Variants in KAZN observed in about 807,000 individuals in gnomAD.
KAZN encodes kazrin.
In KAZN, 40 loss-of-function variants were observed where a neutral mutation model predicts 87.4. The observed-to-expected ratio is 0.46, with a 90% CI of 0.36 to 0.60. The LOEUF (loss-of-function observed/expected upper bound fraction) is 0.60. KAZN is among the 20% of genes least tolerant of loss of function. KAZN has a pLI of 0.00. For missense variants in KAZN, 898 were observed against 1,073.9 expected, an observed-to-expected ratio of 0.84 and a Z score of 2.29; for synonymous variants, 466 against 458.3, an observed-to-expected ratio of 1.02 and a Z score of -0.22.
At chr1:13,944,419 G>T (rs938037096) in intron 1 of KAZN, among the ~76,000 whole-genome samples, 8 of 152,166 alleles carry the variant, frequency 5.3e-5, no homozygotes, top group African/African-American at 1.9e-4. Context: ...TTATCGGGGG[G>T]TAAATTGCTA....
At chr1:14,894,660 T>C (rs150894888) in intron 1 of KAZN, among the ~76,000 whole-genome samples, 124 of 152,344 alleles carry the variant, frequency 8.1e-4, no homozygotes, top group African/African-American at 2.8e-3. Context: ...GACTCTAAGC[T>C]TCTTGAACCC....
rs907509804 is a variant in KAZN at position 15,096,944 on chromosome 1, A to T, written c.1547+2011A>T. Among the ~76,000 whole-genome samples, 1 of 152,232 alleles carries T rather than the reference A, an allele frequency of 6.6e-6. No homozygotes were observed. The highest frequency in any genetic ancestry group is 2.4e-5 in the African/African-American group (1 of 41,462). On this transcript the variant is annotated intron_variant, in intron 10 of 14. Transcript: ENST00000376030. This position sits in a 1 kb window ranked among gnomAD's most constrained non-coding sequence, Gnocchi z 4.5. The stretch of plus-strand genomic sequence containing the variant: ...TAACAGTGGCACCACGTTAACCTCC[A>T]GGAACCAGGAGTCTGTGGTCCCAGG...
chr1:14,692,162 T>G, intron 1 of KAZN: 1 of 372,514 alleles, frequency 2.7e-6, no homozygotes, highest in Non-Finnish European at 5.0e-6. Flanking sequence ...GTACTAAATG[T>G]GCTTCTTTAT....
chr1:14,045,335 C>T (rs10733142), intron 1 of KAZN, among the ~76,000 whole-genome samples: 1 of 151,982 alleles, frequency 6.6e-6, no homozygotes, highest in African/African-American at 2.4e-5. Flanking sequence ...GGCAACTCAC[C>T]AGCATCATCC....
At chr1:14,857,482 G>A (rs772919022) in intron 1 of KAZN, among the ~76,000 whole-genome samples, 16 of 152,060 alleles carry the variant, frequency 1.1e-4, no homozygotes, top group East Asian at 5.8e-4. Flanking sequence ...GCAGTGAGCC[G>A]AGATCGCGCC....
intron 2 of KAZN, among the ~76,000 whole-genome samples, chr1:15,000,244 G>A (rs796763955): frequency 6.6e-6 from 1 of 151,854 alleles, no homozygotes; most frequent in Admixed American, 6.6e-5. Context: ...GATGCAGGCG[G>A]CCTCTAAAGG....
At chr1:13,970,953 G>C (rs1360716651) in intron 1 of KAZN, among the ~76,000 whole-genome samples, 2 of 152,204 alleles carry the variant, frequency 1.3e-5, no homozygotes, top group African/African-American at 4.8e-5. Flanking sequence ...CTGAAAATGA[G>C]AGTGACATAT....
chr1:14,012,736 C>T lies in KAZN; in HGVS notation c.91+118980C>T, dbSNP rs140488528. ...ACGAGAATCACTTGAATCCAGGAGG[C>T]GGAGGTTGCAGTGAGCAACCACTCC... On this transcript the variant is annotated intron_variant, in intron 1 of 16. Coordinates refer to the KAZN transcript ENST00000636203. Among the ~76,000 whole-genome samples, 295 of 152,224 alleles carry T rather than the reference C, an allele frequency of 1.9e-3. 2 individuals are homozygous for T. Among genetic ancestry groups the T allele is most frequent in the African/African-American group, 6.9e-3 (287 of 41,534 alleles).
intron 1 of KAZN, among the ~76,000 whole-genome samples, chr1:14,921,972 A>G (rs1658577444): frequency 6.6e-6 from 1 of 152,166 alleles, no homozygotes; most frequent in African/African-American, 2.4e-5. Context: ...TCGGCCTCCC[A>G]AAGTGCTGGG....
intron 2 of KAZN, among the ~76,000 whole-genome samples, chr1:14,328,750 A>G (rs1164879583): frequency 1.3e-3 from 5 of 3,980 alleles, no homozygotes; most frequent in East Asian, 0.011. Flanking sequence ...CCCTAACTGA[A>G]AAAAAAAAAA....
At chr1:14,419,494 CAG>C (rs1318423858) in intron 2 of KAZN, among the ~76,000 whole-genome samples, 5 of 152,210 alleles carry the variant, frequency 3.3e-5, no homozygotes, top group East Asian at 1.9e-4. Context: ...CTGGACTTAC[CAG>C]AGTGTTAGGC....
In KAZN at chr1:14,307,329, A is replaced by C. The variant is rs149199922; in HGVS notation, c.249+126737A>C. 4.2e-3 allele frequency among the ~76,000 whole-genome samples: 644 copies of C among 152,294 alleles called. 2 individuals carry two copies. The highest frequency in any genetic ancestry group is 0.014 in the African/African-American group (592 of 41,558). On this transcript the variant is annotated intron_variant, in intron 2 of 16. Coordinates refer to the KAZN transcript ENST00000636203. ...GCATCCTAGACACTCAAGAACTGGC[A>C]TGAACTTATTGGCTAATTATAAAGT...
At chr1:14,307,119 C>A (rs369831211) in intron 2 of KAZN, among the ~76,000 whole-genome samples, 2 of 152,074 alleles carry the variant, frequency 1.3e-5, no homozygotes, top group Non-Finnish European at 2.9e-5. Flanking sequence ...GTTGACCCTT[C>A]GTGGTCCCAC....
intron 2 of KAZN, among the ~76,000 whole-genome samples, chr1:14,315,666 G>A (rs1297703026): frequency 1.3e-5 from 2 of 151,956 alleles, no homozygotes; most frequent in Non-Finnish European, 2.9e-5. Flanking sequence ...GTCCTCTTTT[G>A]TGTTTGGAGT....
chr1:14,771,890 A>G (rs761541617), intron 1 of KAZN, among the ~76,000 whole-genome samples: 2 of 152,118 alleles, frequency 1.3e-5, no homozygotes, highest in African/African-American at 4.8e-5. Flanking sequence ...AAACTCCTGT[A>G]AAGAATGTTC....
intron 2 of KAZN, among the ~76,000 whole-genome samples, chr1:15,024,264 G>A (rs879283449): frequency 3.3e-5 from 5 of 152,150 alleles, no homozygotes; most frequent in Non-Finnish European, 5.9e-5. Flanking sequence ...CACCTGCATC[G>A]CCTGCTGGAG....
At chr1:14,477,659 G>A (rs138419453) in intron 2 of KAZN, among the ~76,000 whole-genome samples, 177 of 152,232 alleles carry the variant, frequency 1.2e-3, no homozygotes, top group African/African-American at 3.7e-3. Context: ...TCTGCCTTCC[G>A]TAGCAGACGA....
intron 1 of KAZN, among the ~76,000 whole-genome samples, chr1:14,022,268 A>C (rs1452315535): frequency 6.6e-6 from 1 of 152,050 alleles, no homozygotes; most frequent in African/African-American, 2.4e-5. Context: ...CATGGTGTTT[A>C]TATCTAATCT....
chr1:15,038,334 A>C lies in KAZN; in HGVS notation c.555+3449A>C, dbSNP rs143557735. On this transcript the variant is annotated intron_variant, in intron 3 of 14. Transcript: ENST00000376030. ...GGATCCAAAAGATGGCGCTGTTACC[A>C]GGTAATCATCCTGGCAGGGACTGAT... Among the ~76,000 whole-genome samples the C allele has an allele frequency of 7.9e-3, 1,200 of 152,322 alleles. 10 individuals are homozygous for C. Among genetic ancestry groups the C allele is most frequent in the African/African-American group, 0.027 (1,123 of 41,588 alleles).
Sources: gnomAD v4.1 joint callset for allele counts (sites outside exome capture counted in the v4.1 genomes callset) on GRCh38, gnomAD v4.1.1 for gene constraint, Gnocchi (gnomAD v3.1) non-coding constraint, MANE v1.5 for transcripts, NCBI Gene and HGNC (gene_info 2026-07-23, HGNC 2026-07-21) for gene names.